Variants in ARMC2 observed in about 807,000 individuals in gnomAD.
The protein encoded by ARMC2 is armadillo repeat containing 2.
A neutral mutation model predicts 90.3 loss-of-function variants in ARMC2; 67 were observed. The observed-to-expected ratio is 0.74, with a 90% CI of 0.61 to 0.91. The LOEUF is 0.91. Among genes scored for constraint, ARMC2 ranks in the 40% least tolerant of loss-of-function variants. ARMC2 has a pLI of 0.00. For missense variants in ARMC2, 920 were observed against 1,030.9 expected, an observed-to-expected ratio of 0.89 and a Z score of 1.47; for synonymous variants, 393 against 393.0, an observed-to-expected ratio of 1.00 and a Z score of 0.00.
the ARMC2 span, among the ~76,000 whole-genome samples, chr6:109,049,725 A>G: frequency 6.7e-6 from 1 of 150,084 alleles, no homozygotes; most frequent in African/African-American, 2.4e-5. Context: ...ATATACTAAT[A>G]TTGATGTATA....
chr6:108,911,747 T>G (rs1177091320), intron 9 of ARMC2, among the ~76,000 whole-genome samples: 1 of 152,196 alleles, frequency 6.6e-6, no homozygotes, highest in African/African-American at 2.4e-5. Flanking sequence ...TACATTGACT[T>G]TAATATAATT....
intron 4 of ARMC2, among the ~76,000 whole-genome samples, chr6:108,869,379 G>A (rs1474494566): frequency 3.3e-5 from 5 of 152,068 alleles, no homozygotes; most frequent in African/African-American, 9.7e-5. Context: ...GTGGTGGCAC[G>A]TGCCTGTAAT....
At chr6:108,992,843 A>G in the ARMC2 span, 2 of 1,613,784 alleles carry the variant, frequency 1.2e-6, no homozygotes, top group South Asian at 2.2e-5. Flanking sequence ...TTATAGCCAT[A>G]ACTAGTATCC....
intron 5 of ARMC2, among the ~76,000 whole-genome samples, chr6:108,892,033 A>G (rs1583030472): frequency 6.6e-6 from 1 of 152,196 alleles, no homozygotes; most frequent in East Asian, 1.9e-4. Flanking sequence ...GTATTTATGT[A>G]GGCAACCTCA....
At chr6:109,039,772 G>A in the ARMC2 span, among the ~76,000 whole-genome samples, 1 of 152,190 alleles carries the variant, frequency 6.6e-6, no homozygotes, top group South Asian at 2.1e-4. Flanking sequence ...TACCAATTCA[G>A]TTTTTTAAGA....
chr6:109,046,531 T>C, the ARMC2 span, among the ~76,000 whole-genome samples: 3 of 145,594 alleles, frequency 2.1e-5, no homozygotes, highest in Non-Finnish European at 4.6e-5. Flanking sequence ...GGAGTGTCTC[T>C]GCCTGGCCAC....
chr6:108,965,193 T>A (rs1005822264), intron 17 of ARMC2, 53 bp downstream of exon 17: 9 of 1,496,702 alleles, frequency 6.0e-6, no homozygotes, highest in Non-Finnish European at 8.3e-6. Flanking sequence ...TGTGAGATAG[T>A]TTTTTTCTGT....
In ARMC2 at chr6:108,861,929, AC is replaced by A. The variant is rs528027132; in HGVS notation, c.291+3659del. ...CTAGAGATAACCTGGTCCTTGTCAA[AC>A]TGGTACAGTTCTTGGACTGCAGAAT... On this transcript the variant is annotated intron_variant, in intron 3 of 17. Transcript: ENST00000392644. 1.2e-4 allele frequency among the ~76,000 whole-genome samples: 19 copies of A among 152,316 alleles called. No individual in the cohort carries two copies. The South Asian group carries it at 2.3e-3, about 18-fold the overall frequency.
chr6:108,978,705 C>T (rs1177129719), downstream of ARMC2, among the ~76,000 whole-genome samples: 4 of 152,050 alleles, frequency 2.6e-5, no homozygotes, highest in Non-Finnish European at 5.9e-5. Flanking sequence ...ATATTTAGGA[C>T]AGTTAGTTCT....
At chr6:109,030,200 C>A in the ARMC2 span, among the ~76,000 whole-genome samples, 1 of 152,134 alleles carries the variant, frequency 6.6e-6, no homozygotes, top group African/African-American at 2.4e-5. Context: ...CACTTTAGTA[C>A]ATAACAAGAA....
the ARMC2 span, chr6:108,988,323 T>C: frequency 2.5e-6 from 1 of 402,358 alleles, no homozygotes; most frequent in Non-Finnish European, 4.4e-6. Context: ...CCAGCACTTC[T>C]GAAGACGGGC....
At chr6:108,870,996 G>A (rs533389026) in intron 4 of ARMC2, among the ~76,000 whole-genome samples, 3 of 152,324 alleles carry the variant, frequency 2.0e-5, no homozygotes, top group Admixed American at 1.3e-4. Flanking sequence ...TTTAGCTCAG[G>A]TGGCTCTGAA....
intron 10 of ARMC2, among the ~76,000 whole-genome samples, chr6:108,926,947 G>A (rs1158915260): frequency 7.6e-6 from 1 of 131,306 alleles, no homozygotes; most frequent in Non-Finnish European, 1.6e-5. Flanking sequence ...TACATTTTCT[G>A]TGTTTTCAGG....
chr6:109,040,714 G>A, the ARMC2 span, among the ~76,000 whole-genome samples: 1,496 of 150,432 alleles, frequency 9.9e-3, 23 homozygotes, highest in African/African-American at 0.028. Flanking sequence ...GTGCAGTGGC[G>A]CAATCTCATC....
chr6:108,990,833 G>T, the ARMC2 span: 1 of 1,612,994 alleles, frequency 6.2e-7, no homozygotes. Context: ...CCCAGCAATA[G>T]TCCTAAATAC....
intron 5 of ARMC2, among the ~76,000 whole-genome samples, chr6:108,881,178 TTTTC>T (rs896555018): frequency 1.3e-4 from 19 of 151,602 alleles, no homozygotes; most frequent in South Asian, 6.2e-4. Flanking sequence ...TTTCTTTTTT[TTTTC>T]TTTCTTTCTT....
chr6:109,043,443 T>C, the ARMC2 span, among the ~76,000 whole-genome samples: 2 of 152,092 alleles, frequency 1.3e-5, no homozygotes, highest in African/African-American at 2.4e-5. Flanking sequence ...TACTTATAGA[T>C]GACACAATTA....
intron 4 of ARMC2, among the ~76,000 whole-genome samples, chr6:108,875,423 G>A (rs1298618423): frequency 6.6e-6 from 1 of 151,972 alleles, no homozygotes; most frequent in Non-Finnish European, 1.5e-5. Flanking sequence ...GAGCACCCCA[G>A]GCACAGTGGG....
intron 2 of ARMC2, 121 bp downstream of exon 2, chr6:108,854,606 C>T: frequency 1.0e-6 from 1 of 989,504 alleles, no homozygotes; most frequent in Non-Finnish European, 1.5e-6. Context: ...GTTTTAAGTT[C>T]ACAGCAAAAT....
Sources: gnomAD v4.1 joint callset for allele counts (sites outside exome capture counted in the v4.1 genomes callset) on GRCh38, gnomAD v4.1.1 for gene constraint, MANE v1.5 for transcripts, NCBI Gene and HGNC (gene_info 2026-07-23, HGNC 2026-07-21) for gene names.